The following CSMD1 variants were observed in gnomAD, a reference collection of about 807,000 sequenced individuals.
CSMD1 encodes the protein CUB and Sushi multiple domains 1, also known as CUB and sushi domain-containing protein 1.
Under a neutral mutation model 417.5 loss-of-function variants are expected in CSMD1, and 213 were observed. That is an observed-to-expected ratio of 0.51 (90% CI 0.46 to 0.57). CSMD1 has a LOEUF of 0.57. CSMD1 is among the 20% of genes least tolerant of loss of function. The pLI is 0.00. For synonymous variants in CSMD1, 2,862 were observed against 1,736.8 expected, an observed-to-expected ratio of 1.65 and a Z score of -16.11; for missense variants, 6,923 against 4,529.7, an observed-to-expected ratio of 1.53 and a Z score of -15.17.
At chr8:4,309,488 C>T (rs550957052) in intron 3 of CSMD1, among the ~76,000 whole-genome samples, 8 of 151,776 alleles carry the variant, frequency 5.3e-5, no homozygotes, top group African/African-American at 1.7e-4. Context: ...AATGCATTTT[C>T]TCTCATCAAA....
At chr8:4,627,008 A>C (rs1425168453) in intron 2 of CSMD1, among the ~76,000 whole-genome samples, 1 of 152,198 alleles carries the variant, frequency 6.6e-6, no homozygotes, top group South Asian at 2.1e-4. Context: ...TAATTGCTTC[A>C]TACTCTAAGT....
Position 3,646,357 on chromosome 8 carries a change from T to A in CSMD1, c.1010-29560A>T, listed in dbSNP as rs145376432. ...AAACATTGAATATTTTTATATGTAT[T>A]TTCCAACTTTTTTCTATGCATGCAT... On this transcript the variant is annotated intron_variant, in intron 7 of 69. Transcript: ENST00000635120. Among the ~76,000 whole-genome samples the A allele has an allele frequency of 7.8e-4, 119 of 152,328 alleles. 1 individual carries two copies. In the East Asian group the frequency reaches 8.9e-3, roughly 11 times the overall value.
intron 48 of CSMD1, among the ~76,000 whole-genome samples, chr8:3,090,282 A>G (rs1163411099): frequency 7.7e-6 from 1 of 129,286 alleles, no homozygotes; most frequent in Non-Finnish European, 1.5e-5. Context: ...GCACCACTGC[A>G]CTCCAGCCTG....
chr8:4,589,808 G>A (rs928861758), intron 2 of CSMD1, among the ~76,000 whole-genome samples: 11 of 152,162 alleles, frequency 7.2e-5, no homozygotes, highest in Non-Finnish European at 1.2e-4. Context: ...ATGTCAAAGA[G>A]TATCAAGAAT....
At chr8:4,498,081 T>A (rs1046273101) in intron 2 of CSMD1, among the ~76,000 whole-genome samples, 4 of 152,136 alleles carry the variant, frequency 2.6e-5, no homozygotes, top group Non-Finnish European at 5.9e-5. Flanking sequence ...TGCTTATACA[T>A]CTATTTTAGT....
intron 4 of CSMD1, among the ~76,000 whole-genome samples, chr8:4,018,143 T>G (rs547976299): frequency 6.6e-6 from 1 of 152,204 alleles, no homozygotes; most frequent in Non-Finnish European, 1.5e-5. Flanking sequence ...TGTTTTTATG[T>G]CTTTTTTCAA....
chr8:3,564,475 T>A (rs6996400), intron 10 of CSMD1, among the ~76,000 whole-genome samples: 52,985 of 151,632 alleles, frequency 0.35, 9,592 homozygotes, highest in African/African-American at 0.44. Context: ...TGTACACTGA[T>A]AAGGGATTAG....
chr8:4,425,126 C>G (rs887090113), intron 2 of CSMD1, among the ~76,000 whole-genome samples: 1 of 151,786 alleles, frequency 6.6e-6, no homozygotes, highest in African/African-American at 2.4e-5. Context: ...TGTGATAGCA[C>G]TTAATTAAAT....
chr8:4,981,447 T>C lies in CSMD1; in HGVS notation c.85+12885A>G, dbSNP rs190048986. Among the ~76,000 whole-genome samples the C allele has an allele frequency of 1.2e-4, 19 of 152,362 alleles. No homozygotes were observed. The East Asian group carries it at 3.1e-3, about 25-fold the overall frequency. On this transcript the variant is annotated intron_variant, in intron 1 of 69. Transcript: ENST00000635120. ...CAAGAGTATAAGGGAGTGTCCTCTC[T>C]GTGCACAACCAAAACCTGATATCAT... is the stretch of plus-strand genomic sequence containing the variant.
chr8:4,273,647 A>T (rs1804741442), intron 3 of CSMD1, among the ~76,000 whole-genome samples: 1 of 152,206 alleles, frequency 6.6e-6, no homozygotes. Flanking sequence ...AAACTCTAAT[A>T]GAGAGCAGTA....
At chr8:4,410,637 G>T (rs1188401153) in intron 3 of CSMD1, among the ~76,000 whole-genome samples, 2 of 152,094 alleles carry the variant, frequency 1.3e-5, no homozygotes, top group Admixed American at 1.3e-4. Context: ...TAATGTATAT[G>T]CATGTAAACA....
chr8:3,898,398 A>C (rs1360605624), intron 5 of CSMD1, among the ~76,000 whole-genome samples: 1 of 152,218 alleles, frequency 6.6e-6, no homozygotes, highest in Non-Finnish European at 1.5e-5. Context: ...AAAAGTTACT[A>C]ATCAAGTGCC....
intron 49 of CSMD1, among the ~76,000 whole-genome samples, chr8:3,086,034 G>C (rs1416661145): frequency 6.6e-6 from 1 of 152,114 alleles, no homozygotes. Flanking sequence ...TCTGTCATTA[G>C]CCAGTGCTAG....
chr8:3,243,987 G>A (rs1177827191), intron 26 of CSMD1, among the ~76,000 whole-genome samples: 8 of 152,056 alleles, frequency 5.3e-5, no homozygotes, highest in Non-Finnish European at 8.8e-5. Flanking sequence ...CTTAGCATAC[G>A]CATCATTTAA....
At chr8:3,586,300 T>G in intron 8 of CSMD1, 40 bp from the exon 9 acceptor site, 2 of 1,517,402 alleles carry the variant, frequency 1.3e-6, no homozygotes, top group Non-Finnish European at 1.8e-6. Context: ...CCAAATTATT[T>G]ACAGAAGACT....
intron 3 of CSMD1, among the ~76,000 whole-genome samples, chr8:4,130,718 A>T (rs1205124879): frequency 8.2e-6 from 1 of 121,330 alleles, no homozygotes; most frequent in Non-Finnish European, 1.8e-5. Context: ...TAACACATGA[A>T]AGTATTTTGT....
At chr8:3,388,916 C>CAG (rs1316572439) in intron 17 of CSMD1, among the ~76,000 whole-genome samples, 2 of 43,778 alleles carry the variant, frequency 4.6e-5, no homozygotes, top group African/African-American at 2.5e-4. Context: ...CACACACACA[C>CAG]ACACACACAC....
chr8:3,875,463 A>C (rs1805753594), intron 5 of CSMD1, among the ~76,000 whole-genome samples: 1 of 152,098 alleles, frequency 6.6e-6, no homozygotes, highest in Admixed American at 6.6e-5. Context: ...AATGGGTGGA[A>C]AAGCCCGAAC....
chr8:4,472,780 T>A (rs944177193), intron 2 of CSMD1, among the ~76,000 whole-genome samples: 1 of 152,004 alleles, frequency 6.6e-6, no homozygotes, highest in Admixed American at 6.6e-5. Flanking sequence ...TATTTTAAAA[T>A]ACCATTCAAT....
Sources: allele counts gnomAD v4.1 joint callset (sites outside exome capture counted in the v4.1 genomes callset), GRCh38; gene constraint gnomAD v4.1.1; transcripts MANE v1.5; gene names NCBI Gene and HGNC (gene_info 2026-07-23, HGNC 2026-07-21).